GNPTAB: variants seen among roughly 807,000 people sequenced by gnomAD.
The protein encoded by GNPTAB is N-acetylglucosamine-1-phosphotransferase subunits alpha/beta.
GNPTAB carries 92 observed loss-of-function variants against 136.6 expected under a neutral mutation model. The observed-to-expected ratio is 0.67, with a 90% CI of 0.57 to 0.80. GNPTAB has a LOEUF of 0.80. GNPTAB is among the 30% of genes least tolerant of loss of function. The pLI is 0.00. For missense variants in GNPTAB, 1,343 were observed against 1,501.8 expected, an observed-to-expected ratio of 0.89 and a Z score of 1.75; for synonymous variants, 512 against 535.1, an observed-to-expected ratio of 0.96 and a Z score of 0.60.
chr12:101,822,764 G>A (rs1341645532), intron 1 of GNPTAB, among the ~76,000 whole-genome samples: 1 of 152,194 alleles, frequency 6.6e-6, no homozygotes, highest in African/African-American at 2.4e-5. Context: ...AGTGACCACA[G>A]AAATATCAGG....
intron 1 of GNPTAB, among the ~76,000 whole-genome samples, chr12:101,808,072 A>G (rs1594251579): frequency 1.3e-5 from 2 of 152,318 alleles, no homozygotes; most frequent in South Asian, 4.1e-4. Context: ...ATGAATATGT[A>G]TGAAATCTTT....
At chr12:101,827,737 G>A (rs1871165651) in intron 1 of GNPTAB, among the ~76,000 whole-genome samples, 1 of 152,184 alleles carries the variant, frequency 6.6e-6, no homozygotes, top group Non-Finnish European at 1.5e-5. Flanking sequence ...GGCCAAGGCA[G>A]GCGGATCACC....
At chr12:101,799,269 G>C (rs1207801513) in intron 1 of GNPTAB, among the ~76,000 whole-genome samples, 1 of 152,186 alleles carries the variant, frequency 6.6e-6, no homozygotes, top group Non-Finnish European at 1.5e-5. Flanking sequence ...TAAAGCAGGA[G>C]AATGTAATGC....
chr12:101,785,099 A>G (rs149108651), intron 5 of GNPTAB, among the ~76,000 whole-genome samples: 38 of 152,336 alleles, frequency 2.5e-4, no homozygotes, highest in African/African-American at 8.4e-4. Context: ...CTGGTGGCCA[A>G]AGTCTGAGAT....
chr12:101,780,128 T>G (rs550259764), intron 7 of GNPTAB, 24 bp downstream of exon 7: 1 of 1,607,344 alleles, frequency 6.2e-7, no homozygotes, highest in Non-Finnish European at 8.5e-7. Context: ...GCCAGGCTAA[T>G]TGCTCTATTT....
chr12:101,753,184 C>T (rs572626265), intron 19 of GNPTAB, among the ~76,000 whole-genome samples, 188 bp downstream of exon 19: 10 of 151,226 alleles, frequency 6.6e-5, no homozygotes, highest in Non-Finnish European at 1.5e-4. Flanking sequence ...ACCCAGGAGG[C>T]GGAGGTTGCA....
At chr12:101,763,476 C>T (rs563877369) in intron 13 of GNPTAB, among the ~76,000 whole-genome samples, 2 of 152,224 alleles carry the variant, frequency 1.3e-5, no homozygotes, top group Non-Finnish European at 2.9e-5. Context: ...TGTCAACTCC[C>T]ACCCCTTCGA....
chr12:101,783,598 C>T, intron 5 of GNPTAB, among the ~76,000 whole-genome samples: 1 of 152,148 alleles, frequency 6.6e-6, no homozygotes, highest in Non-Finnish European at 1.5e-5. Context: ...TGAGTAGACC[C>T]AGCTCCAGGC....
At chr12:101,827,201 C>T (rs1490200434) in intron 1 of GNPTAB, among the ~76,000 whole-genome samples, 2 of 151,994 alleles carry the variant, frequency 1.3e-5, no homozygotes, top group Non-Finnish European at 2.9e-5. Flanking sequence ...GCAATCACGG[C>T]TCATGCAGCC....
chr12:101,776,041 T>C (rs1287402763), intron 7 of GNPTAB, among the ~76,000 whole-genome samples: 2 of 152,068 alleles, frequency 1.3e-5, no homozygotes, highest in African/African-American at 2.4e-5. Flanking sequence ...CTGCCAACTC[T>C]ATACACACAC....
At chr12:101,758,588 A>G (rs1488020022) in intron 16 of GNPTAB, among the ~76,000 whole-genome samples, 1 of 152,230 alleles carries the variant, frequency 6.6e-6, no homozygotes, top group Non-Finnish European at 1.5e-5. Flanking sequence ...TTAATTTGGT[A>G]ATGTTAAGTC....
intron 2 of GNPTAB, among the ~76,000 whole-genome samples, chr12:101,792,038 ATGT>A (rs1205634245): frequency 1.1e-4 from 17 of 152,224 alleles, no homozygotes; most frequent in African/African-American, 4.1e-4. Context: ...ATGATGTTAA[ATGT>A]TGTGGAGAAA....
chr12:101,825,721 G>A (rs750179350), intron 1 of GNPTAB, among the ~76,000 whole-genome samples: 6 of 152,214 alleles, frequency 3.9e-5, no homozygotes, highest in Non-Finnish European at 8.8e-5. Flanking sequence ...CTCATGTGAA[G>A]TATCCAATAA....
In GNPTAB at chr12:101,764,697, C is replaced by T; in HGVS notation, c.2220G>A (p.Leu740=). The change falls in exon 13 of 21, where the codon CTG becomes CTA. Residue 740 remains leucine (L), a synonymous_variant. Transcript: ENST00000299314. ...LSKSALLRSF[L]MNSQHAKIKN... The stretch of plus-strand genomic sequence containing the variant: ...TTATTTTAGCATGCTGTGAGTTCAT[C>T]AGAAATGATCTCAGCAAGGCTGACT... 2 of 1,612,726 alleles carry T rather than the reference C, an allele frequency of 1.2e-6. No homozygotes were observed. Among genetic ancestry groups the T allele is most frequent in the Non-Finnish European group, 1.7e-6 (2 of 1,179,284 alleles).
In GNPTAB at chr12:101,802,029, CCAAA is replaced by C. The variant is rs368728426; in HGVS notation, c.118-5271_118-5268del. Reference sequence around the variant, plus strand: ...AAACTGAGATCCTGTCTCAGAACAACCAAACAAACAAAAACAAATCAATTCGCCG... The same window carrying C: ...AAACTGAGATCCTGTCTCAGAACAACCAAACAAAAACAAATCAATTCGCCG... On this transcript the variant is annotated intron_variant, in intron 1 of 20. Transcript: ENST00000299314. Among the ~76,000 whole-genome samples the C allele has an allele frequency of 1.7e-4, 26 of 151,506 alleles. No homozygotes were observed. In the South Asian group the frequency reaches 4.0e-3, roughly 23 times the overall value.
intron 18 of GNPTAB, 38 bp from the exon 19 acceptor site, chr12:101,753,577 G>A (rs768489952): frequency 1.3e-6 from 2 of 1,530,336 alleles, no homozygotes; most frequent in Non-Finnish European, 1.8e-6. Flanking sequence ...AGTTACATAT[G>A]GATAATCCTG....
chr12:101,758,328 C>T (rs190232933), intron 16 of GNPTAB, among the ~76,000 whole-genome samples: 4 of 152,296 alleles, frequency 2.6e-5, no homozygotes, highest in South Asian at 2.1e-4. Flanking sequence ...CATGAGCCAT[C>T]GCACCCGGCC....
chr12:101,761,080 A>G (rs1952984368), intron 15 of GNPTAB, 47 bp downstream of exon 15: 3 of 1,409,414 alleles, frequency 2.1e-6, no homozygotes, highest in Non-Finnish European at 3.0e-6. Context: ...CCAGAATTAA[A>G]TTCTCATTTA....
intron 15 of GNPTAB, 85 bp downstream of exon 15, chr12:101,761,042 G>A (rs1952983919): frequency 1.0e-6 from 1 of 988,666 alleles, no homozygotes; most frequent in Non-Finnish European, 1.6e-6. Context: ...AAAGTGCTGG[G>A]ATTACAGGTG....
Sources: gnomAD v4.1 joint callset for allele counts (sites outside exome capture counted in the v4.1 genomes callset) on GRCh38, gnomAD v4.1.1 for gene constraint, MANE v1.5 for transcripts, NCBI Gene and HGNC (gene_info 2026-07-23, HGNC 2026-07-21) for gene names.